Variants in SV2C observed in about 807,000 individuals in gnomAD.
SV2C encodes the protein solute carrier family 22 member B3.
SV2C carries 49 observed loss-of-function variants against 79.7 expected under a neutral mutation model. That is an observed-to-expected ratio of 0.61 (90% confidence interval 0.49 to 0.78). The LOEUF is 0.78. SV2C is among the 30% of genes least tolerant of loss of function. The probability of loss-of-function intolerance (pLI) is 0.00; values close to 1 mark genes in which losing one functional copy is unlikely to be tolerated. For missense variants in SV2C, 833 were observed against 912.9 expected, an observed-to-expected ratio of 0.91 and a Z score of 1.13; for synonymous variants, 334 against 333.2, an observed-to-expected ratio of 1.00 and a Z score of -0.03.
In SV2C at chr5:76,245,936, A is replaced by ATGTGTATGTGTGTGTGTG. The variant is rs375007331; in HGVS notation, c.913+36054_913+36055insATGTGTGTGTGTGTGTGT. Among the ~76,000 whole-genome samples, 290 of 129,148 alleles carry ATGTGTATGTGTGTGTGTG rather than the reference A, an allele frequency of 2.2e-3. 1 individual carries two copies. Among genetic ancestry groups the ATGTGTATGTGTGTGTGTG allele is most frequent in the African/African-American group, 5.7e-3 (213 of 37,574 alleles). 84.7% of individuals were successfully genotyped at this position (129,148 alleles called of 152,430 possible). ...AGTGTGTGTGTGTGTGTGTGTGTGT[A>ATGTGTATGTGTGTGTGTG]TGTGTGTGTGTGTGTGTGTGTGTGT... On this transcript the variant is annotated intron_variant, in intron 4 of 12. Coordinates refer to ENST00000502798, the MANE Select transcript of SV2C (RefSeq NM_014979.4).
intron 12 of SV2C, among the ~76,000 whole-genome samples, chr5:76,348,104 G>A (rs1198745132): frequency 6.6e-6 from 1 of 152,084 alleles, no homozygotes; most frequent in Non-Finnish European, 1.5e-5. Context: ...CGTACCCCTG[G>A]CAACCACTGA....
chr5:76,110,299 G>A (rs1168214074), intron 1 of SV2C, among the ~76,000 whole-genome samples: 1 of 152,236 alleles, frequency 6.6e-6, no homozygotes, highest in Non-Finnish European at 1.5e-5. Flanking sequence ...CAAGGGCATG[G>A]AGTGTGATTT....
At chr5:76,213,363 T>C (rs1483139342) in intron 4 of SV2C, among the ~76,000 whole-genome samples, 4 of 152,236 alleles carry the variant, frequency 2.6e-5, no homozygotes, top group Non-Finnish European at 4.4e-5. Flanking sequence ...ATTCTATATC[T>C]TGAGCTGGGT....
chr5:75,944,077 G>A, the SV2C span, among the ~76,000 whole-genome samples: 5 of 152,226 alleles, frequency 3.3e-5, no homozygotes, highest in East Asian at 9.7e-4. Context: ...TAGTGCAGTG[G>A]CACTACCATA....
intron 8 of SV2C, among the ~76,000 whole-genome samples, chr5:76,294,299 T>TC (rs199924826): frequency 0.022 from 2,852 of 130,110 alleles, 56 homozygotes; most frequent in East Asian, 0.095. Context: ...ATTCATTCTC[T>TC]CTCTCTTTTT....
chr5:75,956,568 C>T, the SV2C span, among the ~76,000 whole-genome samples: 1 of 151,776 alleles, frequency 6.6e-6, no homozygotes, highest in Non-Finnish European at 1.5e-5. Flanking sequence ...TAAAAAGAGC[C>T]TATCATCTCT....
the SV2C span, among the ~76,000 whole-genome samples, chr5:75,850,274 G>A: frequency 6.2e-3 from 951 of 152,208 alleles, 7 homozygotes; most frequent in African/African-American, 0.021. Context: ...TAAATCACAG[G>A]TGCCCTGAAT....
At chr5:76,131,345 C>G (rs1224684679) in intron 1 of SV2C, among the ~76,000 whole-genome samples, 3 of 152,018 alleles carry the variant, frequency 2.0e-5, no homozygotes, top group Admixed American at 6.6e-5. Context: ...TTTAAAGATG[C>G]AAGATGCTCT....
chr5:75,891,245 G>T, the SV2C span, among the ~76,000 whole-genome samples: 1 of 152,102 alleles, frequency 6.6e-6, no homozygotes, highest in South Asian at 2.1e-4. Flanking sequence ...TCTGCAGAGG[G>T]GAAACAGAGA....
chr5:76,257,263 ATGTGTGTGTGTGTG>A (rs59644660), intron 4 of SV2C, among the ~76,000 whole-genome samples: 3 of 134,830 alleles, frequency 2.2e-5, no homozygotes, highest in African/African-American at 5.0e-5. Flanking sequence ...GCTGTAGTGT[ATGTGTGTGTGTGTG>A]TGTGTGTGTG....
At chr5:76,130,405 G>C (rs1278117608) in intron 1 of SV2C, among the ~76,000 whole-genome samples, 1 of 152,100 alleles carries the variant, frequency 6.6e-6, no homozygotes, top group Non-Finnish European at 1.5e-5. Flanking sequence ...TTTGTTTGTG[G>C]CATTTGGAGG....
intron 3 of SV2C, among the ~76,000 whole-genome samples, chr5:76,195,662 T>C (rs567423662): frequency 1.7e-4 from 26 of 152,358 alleles, no homozygotes; most frequent in African/African-American, 6.3e-4. Context: ...ATGTTCATTT[T>C]CTTTAAAGAG....
At chr5:75,913,115 G>A in the SV2C span, among the ~76,000 whole-genome samples, 1 of 152,162 alleles carries the variant, frequency 6.6e-6, no homozygotes, top group African/African-American at 2.4e-5. Context: ...GGAGTCAGAG[G>A]CTTGGACCCA....
the SV2C span, among the ~76,000 whole-genome samples, chr5:75,893,843 A>G: frequency 6.6e-6 from 1 of 152,194 alleles, no homozygotes; most frequent in Non-Finnish European, 1.5e-5. Context: ...GGAAGTGAAG[A>G]AGGTGGGGAA....
chr5:75,942,284 G>T, the SV2C span, among the ~76,000 whole-genome samples: 9 of 152,298 alleles, frequency 5.9e-5, no homozygotes, highest in East Asian at 1.7e-3. Flanking sequence ...ATAAGTAAGG[G>T]TTTCCCTGAG....
At chr5:76,016,487 A>C in the SV2C span, among the ~76,000 whole-genome samples, 1 of 151,922 alleles carries the variant, frequency 6.6e-6, no homozygotes, top group African/African-American at 2.4e-5. Flanking sequence ...GAGAGCAAAA[A>C]CATGTTTCCA....
intron 4 of SV2C, among the ~76,000 whole-genome samples, chr5:76,277,847 G>A (rs1747069889): frequency 6.6e-6 from 1 of 151,998 alleles, no homozygotes; most frequent in African/African-American, 2.4e-5. Flanking sequence ...GGACAGACAA[G>A]AGATCAGTGA....
chr5:76,292,695 A>G (rs931921752), intron 8 of SV2C, among the ~76,000 whole-genome samples: 7 of 152,214 alleles, frequency 4.6e-5, no homozygotes, highest in Non-Finnish European at 1.0e-4. Context: ...TCACTGATGT[A>G]TATTCCTGGC....
the SV2C span, among the ~76,000 whole-genome samples, chr5:76,069,067 G>A: frequency 6.6e-6 from 1 of 152,182 alleles, no homozygotes; most frequent in Non-Finnish European, 1.5e-5. Context: ...AACATTCAAA[G>A]TATCAAATGG....
Sources: gnomAD v4.1 joint callset for allele counts (sites outside exome capture counted in the v4.1 genomes callset) on GRCh38, gnomAD v4.1.1 for gene constraint, MANE v1.5 for transcripts, NCBI Gene and HGNC (gene_info 2026-07-23, HGNC 2026-07-21) for gene names.